HLTF: variants seen among roughly 807,000 people sequenced by gnomAD.
The protein encoded by HLTF is helicase like transcription factor.
In HLTF, 127 loss-of-function variants were observed where a neutral mutation model predicts 129.4. That is an observed-to-expected ratio of 0.98 (90% confidence interval 0.85 to 1.14). The LOEUF is 1.14. HLTF is among the 50% of genes most tolerant of loss of function. The pLI is 0.00. For missense variants in HLTF, 1,139 were observed against 1,187.1 expected (o/e 0.96, Z 0.60); for synonymous variants, 332 against 388.8 (o/e 0.85, Z 1.72).
rs746769623 is a variant in HLTF at position 149,050,284 on chromosome 3, G to C, written c.1565C>G (p.Ser522Ter). The change falls in exon 15 of 25, where the codon TCA becomes TGA. Residue 522 changes from serine to a stop codon, truncating the protein, a stop_gained. Coordinates refer to ENST00000310053, the MANE Select transcript of HLTF (RefSeq NM_003071.4). LOFTEE classifies it high-confidence loss of function. ...PDRIREPALL[S>*]KQDIVLTTYN... ...CGTAGTCAAAACAATATCCTGTTTTGAAAGTAAGGCCGGTTCTCTAATACG... is the reference window on the plus strand; with the variant it reads ...CGTAGTCAAAACAATATCCTGTTTTCAAAGTAAGGCCGGTTCTCTAATACG... The C allele has an allele frequency of 6.2e-7, 1 of 1,601,366 alleles. No individual in the cohort carries two copies. Among genetic ancestry groups the C allele is most frequent in the Non-Finnish European group, 8.6e-7 (1 of 1,169,542 alleles).
intron 10 of HLTF, among the ~76,000 whole-genome samples, chr3:149,061,775 G>A (rs937374289): frequency 1.3e-5 from 2 of 150,928 alleles, no homozygotes; most frequent in Non-Finnish European, 2.9e-5. Context: ...GGCAGAGGTT[G>A]CAGTGAGCCG....
At chr3:149,067,182 A>C in intron 8 of HLTF, among the ~76,000 whole-genome samples, 1 of 151,288 alleles carries the variant, frequency 6.6e-6, no homozygotes, top group East Asian at 1.9e-4. Flanking sequence ...ATACATATAT[A>C]TATGTATATA....
chr3:149,031,568 TTAAC>T lies in HLTF; in HGVS notation c.*648_*651del, dbSNP rs1251064507. ...ATTTAAACAATGAGTGTAGTACTAC[TTAAC>T]TAAAATGGAAAAAATAGTACTCTTA... On this transcript the variant is annotated 3_prime_UTR_variant, in exon 25 of 25. Coordinates refer to ENST00000310053, the MANE Select transcript of HLTF (RefSeq NM_003071.4). 6.6e-6 allele frequency: 1 copy of T among 152,424 alleles called. No homozygotes were observed. The highest frequency in any genetic ancestry group is 1.5e-5 in the Non-Finnish European group (1 of 68,008). The allele number at this position is 152,424 out of a possible 1,614,324, so 9.4% of individuals were successfully genotyped here. A position where few individuals can be genotyped will look rare whatever the true frequency, so the allele number is the denominator to read the frequency against.
intron 23 of HLTF, among the ~76,000 whole-genome samples, chr3:149,038,791 G>A (rs1307066640): frequency 6.6e-6 from 1 of 152,150 alleles, no homozygotes; most frequent in African/African-American, 2.4e-5. Flanking sequence ...GGGATTACAG[G>A]CATGTGCCAC....
intron 23 of HLTF, among the ~76,000 whole-genome samples, chr3:149,038,553 A>T (rs1373759808): frequency 6.6e-6 from 1 of 151,822 alleles, no homozygotes; most frequent in South Asian, 2.1e-4. Context: ...CCCAGGCTGG[A>T]GTGCAGTGAC....
At position 149,055,355 on chromosome 3, in the gene HLTF, C is replaced by G; in HGVS notation, c.1421G>C (p.Arg474Thr). 6.2e-7 allele frequency: 1 copy of G among 1,613,996 alleles called. No homozygotes were observed. The highest frequency in any genetic ancestry group is 8.5e-7 in the Non-Finnish European group (1 of 1,179,918). Reference sequence around the variant, plus strand: ...ACAGATGATCAGTGTTGTTCTTGGTCTCTCCTCAACATCAGTTTTCTTTGA... The same window carrying G: ...ACAGATGATCAGTGTTGTTCTTGGTGTCTCCTCAACATCAGTTTTCTTTGA... Reference protein sequence around the residue: ...EGSKKTDVEERPRTTLIICPL... With the variant: ...EGSKKTDVEETPRTTLIICPL... The change falls in exon 14 of 25, where the codon AGA becomes ACA. Residue 474 changes from arginine to threonine, a missense_variant. Arg to Thr is a moderately conservative substitution (Grantham distance 71). Coordinates refer to ENST00000310053, the MANE Select transcript of HLTF (RefSeq NM_003071.4).
intron 7 of HLTF, among the ~76,000 whole-genome samples, chr3:149,069,793 C>CTGAGCT (rs1187457671): frequency 4.6e-5 from 7 of 152,200 alleles, no homozygotes; most frequent in Non-Finnish European, 8.8e-5. Context: ...AAGGAAACAA[C>CTGAGCT]TGAGCTTGTC....
chr3:149,041,191 T>C (rs1477865272), intron 20 of HLTF, among the ~76,000 whole-genome samples: 1 of 152,190 alleles, frequency 6.6e-6, no homozygotes, highest in Non-Finnish European at 1.5e-5. Flanking sequence ...ATGTTTCTTT[T>C]TACTTAAGAG....
At chr3:149,080,411 A>ATC (rs72586324) in intron 2 of HLTF, among the ~76,000 whole-genome samples, 67,530 of 151,760 alleles carry the variant, frequency 0.44, 16,573 homozygotes, top group African/African-American at 0.67. Flanking sequence ...CTCTCCCAGC[A>ATC]TGTCTACTGA....
intron 23 of HLTF, among the ~76,000 whole-genome samples, chr3:149,036,012 G>C (rs900923388): frequency 6.6e-6 from 1 of 151,496 alleles, no homozygotes; most frequent in African/African-American, 2.4e-5. Flanking sequence ...GCAGGCGCCT[G>C]TAGTCCCAGC....
At chr3:149,071,699 TTAAAA>T (rs1477175013) in intron 5 of HLTF, 42 bp from the exon 6 acceptor site, 1 of 1,161,112 alleles carries the variant, frequency 8.6e-7, no homozygotes. Flanking sequence ...AACAAACTAA[TTAAAA>T]TAATACTTGC....
At chr3:149,035,964 T>A (rs889686565) in intron 23 of HLTF, among the ~76,000 whole-genome samples, 1 of 151,392 alleles carries the variant, frequency 6.6e-6, no homozygotes, top group South Asian at 2.1e-4. Context: ...TGAAACCCCA[T>A]CTCTACTAAA....
At chr3:149,070,139 C>G (rs1559877072) in intron 7 of HLTF, among the ~76,000 whole-genome samples, 1 of 152,184 alleles carries the variant, frequency 6.6e-6, no homozygotes. Context: ...CATATTACAA[C>G]AATTAACCTT....
At chr3:149,059,382 A>C in intron 13 of HLTF, 1 of 424,972 alleles carries the variant, frequency 2.4e-6, no homozygotes, top group South Asian at 1.8e-5. Context: ...ATACCAAAAA[A>C]TTAAACCTTT....
At chr3:149,061,075 G>A (rs980227418) in intron 10 of HLTF, among the ~76,000 whole-genome samples, 2 of 152,034 alleles carry the variant, frequency 1.3e-5, no homozygotes, top group East Asian at 1.9e-4. Flanking sequence ...GAGTACCACC[G>A]TTATTGTTTT....
At position 149,063,524 on chromosome 3, in the gene HLTF, T is replaced by C. The variant is rs755783896; in HGVS notation, c.1067A>G (p.Asp356Gly). 6.4e-7 allele frequency: 1 copy of C among 1,574,792 alleles called. No individual in the cohort carries two copies. The highest frequency in any genetic ancestry group is 8.7e-7 in the Non-Finnish European group (1 of 1,144,510). ...GGGTTGTTCACTACATCTAGATGCG[T>C]CTATTTCAAAGAAAAATGCAAATAT... is the stretch of plus-strand genomic sequence containing the variant. The part of the protein sequence containing the change: ...TSEKADGLSK[D>G]ASRCSEQPSI... Residue 356 changes from aspartate (D) to glycine (G), a missense_variant and splice_region_variant, in exon 10 of 25, where the codon GAC becomes GGC. Coordinates refer to ENST00000310053, the MANE Select transcript of HLTF (RefSeq NM_003071.4).
chr3:149,066,656 T>C (rs1388102870), intron 8 of HLTF, among the ~76,000 whole-genome samples: 1 of 152,054 alleles, frequency 6.6e-6, no homozygotes, highest in Non-Finnish European at 1.5e-5. Context: ...ATATAACTTA[T>C]CTTGGGGAAA....
At chr3:149,073,035 C>A (rs1024078818) in intron 5 of HLTF, among the ~76,000 whole-genome samples, 190 bp downstream of exon 5, 1 of 151,956 alleles carries the variant, frequency 6.6e-6, no homozygotes, top group African/African-American at 2.4e-5. Flanking sequence ...TGGATTTATT[C>A]CTTATCAGTA....
chr3:149,068,514 A>C (rs538654371), intron 7 of HLTF, among the ~76,000 whole-genome samples, 179 bp from the exon 8 acceptor site: 1 of 152,292 alleles, frequency 6.6e-6, no homozygotes, highest in South Asian at 2.1e-4. Flanking sequence ...CCCCCACTGC[A>C]TTATTAGGGA....
Sources: gnomAD v4.1 joint callset for allele counts (sites outside exome capture counted in the v4.1 genomes callset) on GRCh38, gnomAD v4.1.1 for gene constraint, MANE v1.5 for transcripts, NCBI Gene and HGNC (gene_info 2026-07-23, HGNC 2026-07-21) for gene names.